The following NALCN variants were observed in gnomAD, a reference collection of about 807,000 sequenced individuals.
NALCN encodes the protein sodium leak channel, non-selective.
NALCN carries 111 observed loss-of-function variants against 225.3 expected under a neutral mutation model. The ratio of observed to expected loss-of-function variants is 0.49; its 90% CI spans 0.42 to 0.58. NALCN has a LOEUF of 0.58. Ranked by LOEUF, NALCN falls within the 20% of genes least tolerant of loss-of-function variation. The pLI, the probability that NALCN is intolerant of heterozygous loss-of-function variation, is 0.00. For synonymous variants in NALCN, 764 were observed against 769.0 expected, an observed-to-expected ratio of 0.99 and a Z score of 0.11; for missense variants, 1,378 against 2,202.4, an observed-to-expected ratio of 0.63 and a Z score of 7.49.
chr13:101,229,336 C>A, intron 13 of NALCN, 57 bp downstream of exon 13: 1 of 1,389,022 alleles, frequency 7.2e-7, no homozygotes, highest in South Asian at 1.6e-5. Flanking sequence ...TGATGTTAAT[C>A]ATTATTACTA....
intron 11 of NALCN, among the ~76,000 whole-genome samples, chr13:101,240,719 T>A (rs191930700): frequency 6.6e-6 from 1 of 152,068 alleles, no homozygotes; most frequent in Non-Finnish European, 1.5e-5. Context: ...TTGAAATGAG[T>A]CTTGGTGATT....
chr13:101,082,492 C>T (rs898867529), intron 33 of NALCN, among the ~76,000 whole-genome samples: 2 of 152,138 alleles, frequency 1.3e-5, no homozygotes, highest in African/African-American at 4.8e-5. Flanking sequence ...ACTTGTTTTG[C>T]GTCTCTATTG....
At chr13:101,176,030 AAC>A (rs2038943468) in intron 15 of NALCN, among the ~76,000 whole-genome samples, 1 of 152,194 alleles carries the variant, frequency 6.6e-6, no homozygotes, top group African/African-American at 2.4e-5. Flanking sequence ...GCAGAAGGAG[AAC>A]AGTCTCCAAA....
At chr13:101,230,075 C>T (rs915081755) in intron 12 of NALCN, among the ~76,000 whole-genome samples, 1 of 152,142 alleles carries the variant, frequency 6.6e-6, no homozygotes, top group Non-Finnish European at 1.5e-5. Context: ...ATACAACTAC[C>T]TTCAGGGAAT....
At chr13:101,275,718 T>C (rs1157637680) in intron 10 of NALCN, among the ~76,000 whole-genome samples, 7 of 152,006 alleles carry the variant, frequency 4.6e-5, no homozygotes, top group Admixed American at 4.6e-4. Flanking sequence ...TTTAGGCAGT[T>C]GTAGCACAAA....
At position 101,229,567 on chromosome 13, in the gene NALCN, C is replaced by T; in HGVS notation, c.1452G>A (p.Arg484=). ...CTAATGCAGGTGAAATCTTAATCAG[C>T]CGAACTACTCGGAGAACCTATCAAG... ...FTYFQVLRVV[R]LIKISPALED... Residue 484 remains arginine, a synonymous_variant, in exon 13 of 44, where the codon CGG becomes CGA. Coordinates refer to ENST00000251127, the MANE Select transcript of NALCN (RefSeq NM_052867.4). The T allele has an allele frequency of 6.3e-7, 1 of 1,594,420 alleles. No individual in the cohort carries two copies. Among genetic ancestry groups the T allele is most frequent in the South Asian group, 1.1e-5 (1 of 87,458 alleles).
At chr13:101,126,766 C>T (rs1425463342) in intron 17 of NALCN, among the ~76,000 whole-genome samples, 3 of 152,148 alleles carry the variant, frequency 2.0e-5, no homozygotes, top group African/African-American at 4.8e-5. Context: ...GCTGAGATTA[C>T]AGGCATGAGC....
chr13:101,171,046 T>C (rs2038687400), intron 15 of NALCN, among the ~76,000 whole-genome samples: 1 of 152,156 alleles, frequency 6.6e-6, no homozygotes, highest in Non-Finnish European at 1.5e-5. Context: ...TCATCAACTC[T>C]TCCGTTCAGA....
At chr13:101,073,786 G>C in intron 36 of NALCN, 109 bp from the exon 37 acceptor site, 3 of 851,304 alleles carry the variant, frequency 3.5e-6, no homozygotes, top group Non-Finnish European at 5.5e-6. Flanking sequence ...AAATTTGGTT[G>C]CTAAGTCACC....
rs144936598 is a variant in NALCN, at chr13:101,218,838, C to G, written c.1626+10555G>C. Among the ~76,000 whole-genome samples, 717 of 152,244 alleles carry G rather than the reference C, an allele frequency of 4.7e-3. 8 individuals are homozygous for G. Among genetic ancestry groups the G allele is most frequent in the African/African-American group, 0.017 (698 of 41,548 alleles). ...AGCAGATGCTGCCATGCTTCCTATA[C>G]AACCTGCAGAACCGGGAGCAATTAA... On this transcript the variant is annotated intron_variant, in intron 13 of 43. Coordinates refer to ENST00000251127, the MANE Select transcript of NALCN (RefSeq NM_052867.4).
chr13:101,243,234 T>A (rs1254920536), intron 11 of NALCN, among the ~76,000 whole-genome samples: 1 of 104,142 alleles, frequency 9.6e-6, no homozygotes, highest in Non-Finnish European at 2.1e-5. Context: ...TATTATTATA[T>A]CTCTACCACT....
intron 7 of NALCN, among the ~76,000 whole-genome samples, chr13:101,330,323 T>C (rs921610818): frequency 6.6e-6 from 1 of 152,088 alleles, no homozygotes; most frequent in Admixed American, 6.6e-5. Flanking sequence ...GGTTCACAGA[T>C]GTACTTGGAG....
intron 11 of NALCN, among the ~76,000 whole-genome samples, chr13:101,256,160 A>G (rs1157235200): frequency 6.6e-6 from 1 of 152,096 alleles, no homozygotes; most frequent in Non-Finnish European, 1.5e-5. Context: ...TAGATTTTAT[A>G]TTTCATTACT....
intron 11 of NALCN, among the ~76,000 whole-genome samples, chr13:101,257,888 G>A (rs748269215): frequency 3.3e-5 from 5 of 152,032 alleles, no homozygotes; most frequent in Non-Finnish European, 7.4e-5. Context: ...TTATCAATAG[G>A]AAGTACTATT....
intron 3 of NALCN, 123 bp from the exon 4 acceptor site, chr13:101,378,776 C>A (rs2046765314): frequency 1.5e-6 from 1 of 661,706 alleles, no homozygotes; most frequent in Non-Finnish European, 2.4e-6. Flanking sequence ...CATAATAGAA[C>A]AGACTTTCAC....
In NALCN at chr13:101,068,914, C is replaced by G. The variant is rs535733244; in HGVS notation, c.4198-87G>C. 33 of 1,371,178 alleles carry G rather than the reference C, an allele frequency of 2.4e-5. No homozygotes were observed. In the South Asian group the frequency reaches 5.2e-4, roughly 22 times the overall value. The allele number at this position is 1,371,178 out of a possible 1,614,324, so 84.9% of individuals were successfully genotyped here. A position where few individuals can be genotyped will look rare whatever the true frequency, so the allele number is the denominator to read the frequency against. ...CTGACTATAGTTAATGAATAGATTC[C>G]TAAACATATAGCATATAATTAACTT... On this transcript the variant is annotated intron_variant, in intron 37 of 43. Coordinates refer to ENST00000251127, the MANE Select transcript of NALCN (RefSeq NM_052867.4).
intron 36 of NALCN, 37 bp downstream of exon 36, chr13:101,074,477 G>C (rs1429290815): frequency 6.7e-7 from 1 of 1,491,196 alleles, no homozygotes; most frequent in Admixed American, 2.5e-5. Flanking sequence ...CAAAGGGTTT[G>C]CTTGATAAAT....
intron 7 of NALCN, among the ~76,000 whole-genome samples, chr13:101,344,043 T>C (rs971725169): frequency 6.6e-6 from 1 of 152,172 alleles, no homozygotes; most frequent in Non-Finnish European, 1.5e-5. Context: ...GCATGCATTC[T>C]AGTCATGCCC....
At chr13:101,287,902 G>A (rs768440275) in intron 9 of NALCN, among the ~76,000 whole-genome samples, 1 of 152,146 alleles carries the variant, frequency 6.6e-6, no homozygotes, top group Non-Finnish European at 1.5e-5. Context: ...AAGAATCTTG[G>A]TAATGGAGAA....
Sources: gnomAD v4.1 joint callset for allele counts (sites outside exome capture counted in the v4.1 genomes callset) on GRCh38, gnomAD v4.1.1 for gene constraint, MANE v1.5 for transcripts, NCBI Gene and HGNC (gene_info 2026-07-23, HGNC 2026-07-21) for gene names.